MAPKAP1: variants seen among roughly 807,000 people sequenced by gnomAD.
MAPKAP1 encodes the protein MAPK associated protein 1, also known as target of rapamycin complex 2 subunit MAPKAP1.
A neutral mutation model predicts 65.7 loss-of-function variants in MAPKAP1; 20 were observed. That is an observed-to-expected ratio of 0.30 (90% CI 0.21 to 0.44). The LOEUF (loss-of-function observed/expected upper bound fraction) is 0.44, where lower values mean the gene tolerates loss of function less well. Ranked by LOEUF, MAPKAP1 falls within the 20% of genes least tolerant of loss-of-function variation. The pLI is 1.00. For synonymous variants in MAPKAP1, 222 were observed against 244.3 expected, an observed-to-expected ratio of 0.91 and a Z score of 0.85; for missense variants, 423 against 648.0, an observed-to-expected ratio of 0.65 and a Z score of 3.77.
Position 125,672,643 on chromosome 9 carries a change from C to T in MAPKAP1, c.-69G>A. On this transcript the variant is annotated splice_region_variant and 5_prime_UTR_variant, in exon 2 of 12. Coordinates refer to ENST00000265960, the MANE Select transcript of MAPKAP1 (RefSeq NM_001006617.3). ...TCATATTGTTTCACGAGCTCACCTA[C>T]CTAGAAACATGATGTACACAGCAAA... 3 of 1,531,852 alleles carry T rather than the reference C, an allele frequency of 2.0e-6. No homozygotes were observed. Among genetic ancestry groups the T allele is most frequent in the South Asian group, 1.2e-5 (1 of 83,672 alleles). 94.9% of individuals were successfully genotyped at this position (1,531,852 alleles called of 1,614,324 possible).
At chr9:125,560,424 A>G (rs772003496) in intron 5 of MAPKAP1, among the ~76,000 whole-genome samples, 1 of 152,056 alleles carries the variant, frequency 6.6e-6, no homozygotes, top group Non-Finnish European at 1.5e-5. Context: ...ATCTCTGCTA[A>G]AATACAAAAA....
chr9:125,491,659 T>G lies in MAPKAP1; in HGVS notation c.1067-7076A>C, dbSNP rs1048171525. On this transcript the variant is annotated intron_variant, in intron 8 of 11. Coordinates refer to ENST00000265960, the MANE Select transcript of MAPKAP1 (RefSeq NM_001006617.3). ...AGCCAGGCTTAGTGGTGTGCTCCGA[T>G]AGGCCCAGCTACTGGGGAAGCCGAG... Among the ~76,000 whole-genome samples the G allele has an allele frequency of 5.3e-5, 8 of 151,426 alleles. No homozygotes were observed. The South Asian group carries it at 1.5e-3, about 28-fold the overall frequency.
rs138603113 is a variant in MAPKAP1 at position 125,492,271 on chromosome 9, G to A, written c.1067-7688C>T. 4.9e-3 allele frequency among the ~76,000 whole-genome samples: 753 copies of A among 152,206 alleles called. 5 individuals are homozygous for A. The highest frequency in any genetic ancestry group is 0.017 in the African/African-American group (711 of 41,516). On this transcript the variant is annotated intron_variant, in intron 8 of 11. Coordinates refer to ENST00000265960, the MANE Select transcript of MAPKAP1 (RefSeq NM_001006617.3). ...TCAATAACTTTTAAGAGTATAAAGAGGTCCTAAAACCAAAAAGTTTGAGAA... is the reference window on the plus strand; with the variant it reads ...TCAATAACTTTTAAGAGTATAAAGAAGTCCTAAAACCAAAAAGTTTGAGAA...
At chr9:125,695,620 T>A (rs1835359482) in intron 1 of MAPKAP1, among the ~76,000 whole-genome samples, 1 of 152,206 alleles carries the variant, frequency 6.6e-6, no homozygotes, top group African/African-American at 2.4e-5. Context: ...CATAAGAGAA[T>A]CAGTATGCAC....
chr9:125,439,550 G>A lies in MAPKAP1; in HGVS notation c.1444-538C>T, dbSNP rs950308533. ...CCAGGCAGGGCTCACTTGACAAAAAGGAAAGAGGCTCAGAGAGGGAGGCCA... is the reference window on the plus strand; with the variant it reads ...CCAGGCAGGGCTCACTTGACAAAAAAGAAAGAGGCTCAGAGAGGGAGGCCA... On this transcript the variant is annotated intron_variant, in intron 11 of 11. Transcript: ENST00000265960. This position sits in a 1 kb window ranked among gnomAD's most constrained non-coding sequence, Gnocchi z 4.0. 1.3e-5 allele frequency among the ~76,000 whole-genome samples: 2 copies of A among 152,218 alleles called. No homozygotes were observed. The highest frequency in any genetic ancestry group is 2.9e-5 in the Non-Finnish European group (2 of 68,024).
At chr9:125,644,329 C>G (rs1833664329) in intron 4 of MAPKAP1, among the ~76,000 whole-genome samples, 1 of 151,882 alleles carries the variant, frequency 6.6e-6, no homozygotes, top group African/African-American at 2.4e-5. Flanking sequence ...CTGTAGGCAA[C>G]TCATCTATCG....
intron 5 of MAPKAP1, among the ~76,000 whole-genome samples, chr9:125,563,552 T>G (rs901685683): frequency 3.3e-5 from 5 of 152,204 alleles, no homozygotes; most frequent in African/African-American, 4.8e-5. Context: ...TTTCTGCATC[T>G]GTATTCTAAA....
chr9:125,491,448 T>A lies in MAPKAP1; in HGVS notation c.1067-6865A>T, dbSNP rs141097966. Among the ~76,000 whole-genome samples, 656 of 151,414 alleles carry A rather than the reference T, an allele frequency of 4.3e-3. 4 individuals carry two copies. The highest frequency in any genetic ancestry group is 0.01 in the Middle Eastern group (3 of 290). On this transcript the variant is annotated intron_variant, in intron 8 of 11. Transcript: ENST00000265960. The stretch of plus-strand genomic sequence containing the variant: ...AGAGTGAGACCCTGTCTCAAAAAAA[T>A]TTTTTTTAAAGAAATTATAGTTACT...
chr9:125,651,940 A>G (rs1833905599), intron 4 of MAPKAP1, among the ~76,000 whole-genome samples: 1 of 152,224 alleles, frequency 6.6e-6, no homozygotes, highest in Non-Finnish European at 1.5e-5. Flanking sequence ...AAACACAGCC[A>G]ACACTAAAAA....
chr9:125,591,342 G>T (rs1215720389), intron 4 of MAPKAP1, among the ~76,000 whole-genome samples: 2 of 152,234 alleles, frequency 1.3e-5, no homozygotes, highest in Admixed American at 1.3e-4. Flanking sequence ...GAGGAGAGCA[G>T]TTAGGAGATG....
intron 6 of MAPKAP1, among the ~76,000 whole-genome samples, chr9:125,550,944 T>C (rs1295451381): frequency 3.3e-5 from 5 of 152,224 alleles, no homozygotes; most frequent in Non-Finnish European, 5.9e-5. Flanking sequence ...TTCCTTATTC[T>C]ATTTTAGCTC....
intron 10 of MAPKAP1, 61 bp from the exon 11 acceptor site, chr9:125,444,659 A>G: frequency 8.7e-7 from 1 of 1,151,652 alleles, no homozygotes; most frequent in Non-Finnish European, 1.3e-6. Flanking sequence ...GGGGGCCTCC[A>G]TATGTTCTCC....
At chr9:125,524,620 G>A (rs1452725308) in intron 7 of MAPKAP1, among the ~76,000 whole-genome samples, 2 of 152,242 alleles carry the variant, frequency 1.3e-5, no homozygotes, top group East Asian at 1.9e-4. Context: ...AAGAGGAGAC[G>A]TGGCTGTCAG....
chr9:125,496,378 C>A (rs1176355112), intron 8 of MAPKAP1, among the ~76,000 whole-genome samples: 1 of 152,234 alleles, frequency 6.6e-6, no homozygotes, highest in Non-Finnish European at 1.5e-5. Flanking sequence ...GGTTAACTGG[C>A]TTTCAGCAAT....
Position 125,607,443 on chromosome 9 carries a change from A to G in MAPKAP1, c.499-21716T>C, listed in dbSNP as rs148237560. On this transcript the variant is annotated intron_variant, in intron 4 of 11. Transcript: ENST00000265960. ...TTTGACATCCATATTAGCTTATGTA[A>G]TCTCAAACAACTCTGAGTTAGATTC... is the stretch of plus-strand genomic sequence containing the variant. Among the ~76,000 whole-genome samples the G allele has an allele frequency of 6.6e-3, 1,009 of 152,336 alleles. 11 individuals carry two copies. The highest frequency in any genetic ancestry group is 0.023 in the African/African-American group (965 of 41,572).
At chr9:125,473,860 A>G (rs765023909) in intron 9 of MAPKAP1, among the ~76,000 whole-genome samples, 11 of 152,206 alleles carry the variant, frequency 7.2e-5, no homozygotes, top group Admixed American at 3.3e-4. Context: ...TTCAAATGTC[A>G]GCCTTCCTAC....
intron 5 of MAPKAP1, among the ~76,000 whole-genome samples, chr9:125,571,423 T>C (rs988675237): frequency 4.6e-5 from 7 of 152,328 alleles, no homozygotes; most frequent in East Asian, 1.9e-4. Flanking sequence ...ACTTTGGAAA[T>C]TGTAAGATTA....
At chr9:125,648,210 G>C (rs775025564) in intron 4 of MAPKAP1, among the ~76,000 whole-genome samples, 12 of 152,132 alleles carry the variant, frequency 7.9e-5, no homozygotes, top group Non-Finnish European at 1.2e-4. Flanking sequence ...ACACTAGTGG[G>C]GAATCCTTGA....
chr9:125,603,567 G>A (rs974667595), intron 4 of MAPKAP1, among the ~76,000 whole-genome samples: 6 of 152,116 alleles, frequency 3.9e-5, no homozygotes, highest in African/African-American at 7.2e-5. Context: ...CAAAGTCTCC[G>A]GGGTTTCTGC....
Sources: allele counts gnomAD v4.1 joint callset (sites outside exome capture counted in the v4.1 genomes callset), GRCh38; gene constraint gnomAD v4.1.1; non-coding constraint Gnocchi (gnomAD v3.1); transcripts MANE v1.5; gene names NCBI Gene and HGNC (gene_info 2026-07-23, HGNC 2026-07-21).